The following SPATS2 variants were observed in gnomAD, a reference collection of about 807,000 sequenced individuals.
SPATS2 encodes spermatogenesis-associated serine-rich protein 2.
A neutral mutation model predicts 63.7 loss-of-function variants in SPATS2; 38 were observed. That is an observed-to-expected ratio of 0.60 (90% CI 0.46 to 0.78). SPATS2 has a LOEUF of 0.78. SPATS2 is among the 30% of genes least tolerant of loss of function. The pLI is 0.00. For synonymous variants in SPATS2, 207 were observed against 232.9 expected, an observed-to-expected ratio of 0.89 and a Z score of 1.01; for missense variants, 588 against 666.2, an observed-to-expected ratio of 0.88 and a Z score of 1.29.
At chr12:49,498,538 A>G (rs942069811) in intron 8 of SPATS2, among the ~76,000 whole-genome samples, 3 of 152,072 alleles carry the variant, frequency 2.0e-5, no homozygotes, top group African/African-American at 7.2e-5. Flanking sequence ...AATTTTGAAA[A>G]TTTGGTACCT....
chr12:49,375,439 G>A (rs1944083491), intron 2 of SPATS2, among the ~76,000 whole-genome samples: 1 of 152,154 alleles, frequency 6.6e-6, no homozygotes, highest in Non-Finnish European at 1.5e-5. Flanking sequence ...ACCCTCTGTA[G>A]TTGAGCAGTA....
At chr12:49,478,935 G>A (rs1485744248) in intron 3 of SPATS2, among the ~76,000 whole-genome samples, 4 of 152,040 alleles carry the variant, frequency 2.6e-5, no homozygotes, top group African/African-American at 7.3e-5. Context: ...GCGGAGACCC[G>A]CAGTGGGTAC....
intron 2 of SPATS2, among the ~76,000 whole-genome samples, chr12:49,432,624 T>G (rs1945205306): frequency 6.6e-6 from 1 of 152,202 alleles, no homozygotes; most frequent in South Asian, 2.1e-4. Flanking sequence ...CATTCTACTT[T>G]CTGTTTCTAT....
At chr12:49,381,775 G>A (rs1944227046) in intron 2 of SPATS2, among the ~76,000 whole-genome samples, 1 of 152,012 alleles carries the variant, frequency 6.6e-6, no homozygotes, top group Non-Finnish European at 1.5e-5. Flanking sequence ...GGTTTTATGG[G>A]GTGTTCAAAA....
intron 3 of SPATS2, among the ~76,000 whole-genome samples, chr12:49,474,721 C>G (rs1369922044): frequency 6.6e-6 from 1 of 152,162 alleles, no homozygotes; most frequent in Admixed American, 6.5e-5. Flanking sequence ...TTGTCTATCA[C>G]TGGCAGAATA....
At chr12:49,520,701 T>C (rs760553809) in intron 11 of SPATS2, among the ~76,000 whole-genome samples, 1 of 152,178 alleles carries the variant, frequency 6.6e-6, no homozygotes, top group Non-Finnish European at 1.5e-5. Flanking sequence ...TAACAATTAC[T>C]TGGGTTCAAC....
At chr12:49,411,677 G>GTTTC (rs1944800008) in intron 2 of SPATS2, among the ~76,000 whole-genome samples, 2 of 152,188 alleles carry the variant, frequency 1.3e-5, no homozygotes, top group East Asian at 3.9e-4. Context: ...TGACAGTCTA[G>GTTTC]GAAAAAGTGA....
chr12:49,417,862 G>C (rs75699234), intron 2 of SPATS2, among the ~76,000 whole-genome samples: 1 of 152,068 alleles, frequency 6.6e-6, no homozygotes, highest in Non-Finnish European at 1.5e-5. Context: ...GGGGTAGAGG[G>C]AAAAAGTGTA....
intron 2 of SPATS2, chr12:49,390,186 C>CTTCT: frequency 7.2e-7 from 1 of 1,398,568 alleles, no homozygotes; most frequent in Non-Finnish European, 9.8e-7. Context: ...AGTCTGTGAG[C>CTTCT]TTCTTACATG....
At chr12:49,391,063 T>A (rs559012902) in intron 2 of SPATS2, among the ~76,000 whole-genome samples, 9 of 138,986 alleles carry the variant, frequency 6.5e-5, no homozygotes, top group South Asian at 2.2e-4. Context: ...TAGAACTCTT[T>A]TAAATTAAAA....
At chr12:49,433,798 A>G (rs1810654546) in intron 2 of SPATS2, among the ~76,000 whole-genome samples, 1 of 152,186 alleles carries the variant, frequency 6.6e-6, no homozygotes, top group African/African-American at 2.4e-5. Flanking sequence ...ATGTAATCCC[A>G]TTTGTCTATT....
chr12:49,401,644 T>A (rs78346844), intron 2 of SPATS2, among the ~76,000 whole-genome samples: 1,966 of 152,300 alleles, frequency 0.013, 50 homozygotes, highest in African/African-American at 0.045. Flanking sequence ...TTCCTTGATA[T>A]CAAATATCCT....
At chr12:49,382,479 G>A (rs1944240012) in intron 2 of SPATS2, among the ~76,000 whole-genome samples, 1 of 152,074 alleles carries the variant, frequency 6.6e-6, no homozygotes. Context: ...TTTTACTTCA[G>A]GGTAATTTAT....
intron 2 of SPATS2, among the ~76,000 whole-genome samples, chr12:49,426,041 G>A (rs960198720): frequency 1.3e-5 from 2 of 152,198 alleles, no homozygotes; most frequent in African/African-American, 2.4e-5. Context: ...ATTGCATAGT[G>A]GGAAGAGAAA....
chr12:49,464,006 T>C (rs1945865978), intron 3 of SPATS2, among the ~76,000 whole-genome samples: 1 of 152,218 alleles, frequency 6.6e-6, no homozygotes, highest in African/African-American at 2.4e-5. Flanking sequence ...ACCCTATTCC[T>C]GTCTGTGAAC....
At chr12:49,500,649 G>A (rs1228572082) in intron 9 of SPATS2, among the ~76,000 whole-genome samples, 1 of 152,074 alleles carries the variant, frequency 6.6e-6, no homozygotes, top group Non-Finnish European at 1.5e-5. Context: ...GCGCGCGCCT[G>A]TAGTCCTAGC....
intron 10 of SPATS2, among the ~76,000 whole-genome samples, chr12:49,518,668 G>A (rs773662818): frequency 1.3e-5 from 2 of 152,234 alleles, no homozygotes; most frequent in Admixed American, 6.5e-5. Flanking sequence ...GGATGTGTAC[G>A]TAAGAAATGG....
At chr12:49,410,135 G>GTGCA (rs1230471303) in intron 2 of SPATS2, among the ~76,000 whole-genome samples, 1 of 151,958 alleles carries the variant, frequency 6.6e-6, no homozygotes, top group Middle Eastern at 3.2e-3. Context: ...GAGTGCAATG[G>GTGCA]TGCAGTCTTG....
chr12:49,397,499 G>C (rs1203628664), intron 2 of SPATS2, among the ~76,000 whole-genome samples: 1 of 152,094 alleles, frequency 6.6e-6, no homozygotes, highest in East Asian at 1.9e-4. Flanking sequence ...CCAGTGCCTA[G>C]TATAGAATCT....
Sources: gnomAD v4.1 joint callset for allele counts (sites outside exome capture counted in the v4.1 genomes callset) on GRCh38, gnomAD v4.1.1 for gene constraint, MANE v1.5 for transcripts, NCBI Gene and HGNC (gene_info 2026-07-23, HGNC 2026-07-21) for gene names.